SERPINA12: variants seen among roughly 807,000 people sequenced by gnomAD.
SERPINA12 encodes the protein serpin family A member 12.
Under a neutral mutation model 25.9 loss-of-function variants are expected in SERPINA12, and 21 were observed. The ratio of observed to expected loss-of-function variants is 0.81; its 90% confidence interval spans 0.58 to 1.17. The LOEUF (loss-of-function observed/expected upper bound fraction) is 1.17. Ranked by LOEUF, SERPINA12 falls within the 50% of genes most tolerant of loss-of-function variation. The pLI is 0.00. For missense variants in SERPINA12, 562 were observed against 508.3 expected (o/e 1.11, Z -1.02); for synonymous variants, 220 against 196.0 (o/e 1.12, Z -1.02).
intron 4 of SERPINA12, 115 bp downstream of exon 4, chr14:94,489,505 C>T: frequency 8.0e-7 from 1 of 1,249,856 alleles, no homozygotes; most frequent in Non-Finnish European, 1.1e-6. Context: ...TTCATGCCCG[C>T]CCCGACTGGT....
chr14:94,498,468 T>C, intron 1 of SERPINA12, 38 bp from the exon 2 acceptor site: 1 of 1,484,360 alleles, frequency 6.7e-7, no homozygotes, highest in Non-Finnish European at 9.1e-7. Flanking sequence ...ATAACCCCAT[T>C]GCCTACATGT....
At chr14:94,510,583 T>G (rs1175477403), upstream of SERPINA12, among the ~76,000 whole-genome samples, 2 of 152,144 alleles carry the variant, frequency 1.3e-5, no homozygotes, top group African/African-American at 4.8e-5. Context: ...GAGCTACCAT[T>G]TCATCCAGCA....
At chr14:94,510,174 T>C (rs1054233836), upstream of SERPINA12, 18 of 985,288 alleles carry the variant, frequency 1.8e-5, no homozygotes, top group African/African-American at 3.0e-4. Flanking sequence ...CAATGGGCAA[T>C]AGGAGACTGC....
At chr14:94,513,224 C>T (rs568840448), upstream of SERPINA12, among the ~76,000 whole-genome samples, 61 of 152,288 alleles carry the variant, frequency 4.0e-4, no homozygotes, top group African/African-American at 1.5e-3. Flanking sequence ...TCTGAGTTGC[C>T]ACGGCTTGTT....
upstream of SERPINA12, among the ~76,000 whole-genome samples, chr14:94,509,558 C>A (rs1036163181): frequency 6.6e-6 from 1 of 152,188 alleles, no homozygotes; most frequent in Admixed American, 6.5e-5. Context: ...CACCTCCACC[C>A]CTTTCCCAGG....
At chr14:94,489,789 G>A in intron 3 of SERPINA12, 22 bp from the exon 4 acceptor site, 1 of 1,612,074 alleles carries the variant, frequency 6.2e-7, no homozygotes, top group East Asian at 2.2e-5. Context: ...ACACGACAAG[G>A]GTGAGTGGTC....
intron 3 of SERPINA12, among the ~76,000 whole-genome samples, chr14:94,490,383 C>T (rs780463271): frequency 1.3e-5 from 2 of 152,056 alleles, no homozygotes; most frequent in African/African-American, 4.8e-5. Flanking sequence ...GGCTGAACCG[C>T]GATCAGCCTC....
intron 1 of SERPINA12, among the ~76,000 whole-genome samples, chr14:94,507,578 A>G (rs553924929): frequency 1.3e-5 from 2 of 152,366 alleles, no homozygotes; most frequent in East Asian, 3.9e-4. Context: ...CCAAATGGCC[A>G]ATAAGCAGCT....
At chr14:94,495,169 T>A (rs2012710) in intron 3 of SERPINA12, among the ~76,000 whole-genome samples, 1 of 144,938 alleles carries the variant, frequency 6.9e-6, no homozygotes, top group Non-Finnish European at 1.5e-5. Context: ...CCCGGGTTCA[T>A]GCCATTCTCC....
intron 3 of SERPINA12, among the ~76,000 whole-genome samples, chr14:94,491,635 G>T (rs1900183664): frequency 6.6e-6 from 1 of 152,150 alleles, no homozygotes. Context: ...GTAGGCTAAA[G>T]GAGTTTCCTG....
chr14:94,497,956 G>T lies in SERPINA12; in HGVS notation c.442C>A (p.Arg148Ser), dbSNP rs774278015. The change falls in exon 2 of 5, where the codon CGT becomes AGT. Residue 148 changes from arginine to serine, a missense_variant. Coordinates refer to ENST00000677451, the MANE Select transcript of SERPINA12 (RefSeq NM_001382267.1). ...TTCTTGGCATCTTCCAAAAACTTAC[G>T]CTGTGGCTGCAGCCTCTGGTCAATG... is the stretch of plus-strand genomic sequence containing the variant. Reference protein sequence around the residue: ...LFIDQRLQPQRKFLEDAKNFY... With the variant: ...LFIDQRLQPQSKFLEDAKNFY... The T allele has an allele frequency of 1.9e-6, 3 of 1,614,150 alleles. No individual in the cohort carries two copies. The highest frequency in any genetic ancestry group is 2.2e-5 in the East Asian group (1 of 44,884).
chr14:94,489,899 T>C (rs758368744), intron 3 of SERPINA12, 132 bp from the exon 4 acceptor site: 7 of 870,882 alleles, frequency 8.0e-6, no homozygotes, highest in Non-Finnish European at 1.2e-5. Context: ...ATCCACAGAA[T>C]GAGGAGGGGC....
In SERPINA12 at chr14:94,498,233, T is replaced by C; in HGVS notation, c.165A>G (p.Leu55=). The change falls in exon 2 of 5, where the codon TTA becomes TTG. Residue 55 remains leucine, a synonymous_variant. Transcript: ENST00000677451. The stretch of plus-strand genomic sequence containing the variant: ...CCAGCTTCTTGAGCAGCTTAAAGCC[T>C]AAGTCCATGTTCTGCCTTGCAAGCT... ...AKELARQNMD[L]GFKLLKKLAF... The C allele has an allele frequency of 6.2e-7, 1 of 1,614,200 alleles. No individual in the cohort carries two copies. The highest frequency in any genetic ancestry group is 8.5e-7 in the Non-Finnish European group (1 of 1,180,036).
chr14:94,510,294 G>T (rs1206913217), upstream of SERPINA12: 1 of 983,380 alleles, frequency 1.0e-6, no homozygotes, highest in African/African-American at 1.7e-5. Context: ...ATTCAAGCCA[G>T]ATCTAGATGC....
At chr14:94,495,991 C>T (rs933596296) in intron 3 of SERPINA12, among the ~76,000 whole-genome samples, 1 of 152,202 alleles carries the variant, frequency 6.6e-6, no homozygotes, top group African/African-American at 2.4e-5. Context: ...TTGACAACAT[C>T]ATTCTACTCA....
chr14:94,499,977 C>T (rs1428892817), intron 1 of SERPINA12, among the ~76,000 whole-genome samples: 1 of 152,208 alleles, frequency 6.6e-6, no homozygotes, highest in Non-Finnish European at 1.5e-5. Flanking sequence ...GCAACCCTCA[C>T]AGCAGCACCA....
chr14:94,498,365 C>A lies in SERPINA12; in HGVS notation c.33G>T (p.Leu11=), dbSNP rs765205883. 3 of 1,613,740 alleles carry A rather than the reference C, an allele frequency of 1.9e-6. No homozygotes were observed. In the African/African-American group the frequency reaches 4.0e-5, roughly 22 times the overall value. The change falls in exon 2 of 5, where the codon CTG becomes CTT. Residue 11 remains leucine, a synonymous_variant. Transcript: ENST00000677451. MNPTLGLAIF[L]AVLLTVKGLL... is the part of the protein sequence containing the mutation. ...GACCTTTCACCGTGAGGAGAACAGC[C>A]AGAAAAATGGCCAGGCCTAGTGTGG...
chr14:94,501,763 C>T (rs1348513809), intron 1 of SERPINA12, among the ~76,000 whole-genome samples: 3 of 151,196 alleles, frequency 2.0e-5, no homozygotes, highest in Admixed American at 2.0e-4. Flanking sequence ...CAGCAGTCTC[C>T]ACCGGGCCTC....
At chr14:94,495,069 T>TA (rs1313585570) in intron 3 of SERPINA12, among the ~76,000 whole-genome samples, 1 of 133,926 alleles carries the variant, frequency 7.5e-6, no homozygotes, top group African/African-American at 3.1e-5. Context: ...CCTTTCTTTT[T>TA]TTTTTTTTTT....
Sources: allele counts gnomAD v4.1 joint callset (sites outside exome capture counted in the v4.1 genomes callset), GRCh38; gene constraint gnomAD v4.1.1; transcripts MANE v1.5; gene names NCBI Gene and HGNC (gene_info 2026-07-23, HGNC 2026-07-21).